Variants in CSMD1 observed in about 807,000 individuals in gnomAD.
The protein encoded by CSMD1 is CUB and sushi domain-containing protein 1.
In CSMD1, 213 loss-of-function variants were observed where a neutral mutation model predicts 417.5. That is an observed-to-expected ratio of 0.51 (90% CI 0.46 to 0.57). The LOEUF is 0.57. CSMD1 is among the 20% of genes least tolerant of loss of function. The pLI is 0.00. For synonymous variants in CSMD1, 2,862 were observed against 1,736.8 expected, an observed-to-expected ratio of 1.65 and a Z score of -16.11; for missense variants, 6,923 against 4,529.7, an observed-to-expected ratio of 1.53 and a Z score of -15.17.
intron 5 of CSMD1, among the ~76,000 whole-genome samples, chr8:3,946,653 C>T (rs889913073): frequency 5.9e-5 from 9 of 152,132 alleles, no homozygotes; most frequent in African/African-American, 1.7e-4. Flanking sequence ...AATAAACTTA[C>T]ATCTTGAAAG....
chr8:3,316,218 G>GGTAA (rs1377277919), intron 23 of CSMD1, among the ~76,000 whole-genome samples: 1 of 152,130 alleles, frequency 6.6e-6, no homozygotes, highest in Admixed American at 6.6e-5. Flanking sequence ...ACAATTAGGT[G>GGTAA]CTAACTATAT....
At chr8:3,466,865 A>C (rs879473779) in intron 12 of CSMD1, among the ~76,000 whole-genome samples, 1 of 152,180 alleles carries the variant, frequency 6.6e-6, no homozygotes, top group Admixed American at 6.5e-5. Context: ...TACTCTGGAA[A>C]TATGCATTTT....
chr8:3,958,998 T>C (rs1812149527), intron 5 of CSMD1, among the ~76,000 whole-genome samples: 1 of 152,176 alleles, frequency 6.6e-6, no homozygotes, highest in South Asian at 2.1e-4. Flanking sequence ...CTCCCATGCG[T>C]CTCCCTCCTC....
chr8:3,005,436 T>C (rs1477406333), intron 52 of CSMD1, among the ~76,000 whole-genome samples: 1 of 152,272 alleles, frequency 6.6e-6, no homozygotes, highest in East Asian at 1.9e-4. Flanking sequence ...GCCAGCATCA[T>C]CCTGATACCA....
chr8:3,058,007 C>T (rs944656202), intron 49 of CSMD1, among the ~76,000 whole-genome samples: 1 of 152,174 alleles, frequency 6.6e-6, no homozygotes, highest in Non-Finnish European at 1.5e-5. Flanking sequence ...GCCCAGTCGG[C>T]TTATTCTCAC....
chr8:3,364,047 G>A (rs13253492), intron 20 of CSMD1, among the ~76,000 whole-genome samples: 28,510 of 152,036 alleles, frequency 0.19, 3,078 homozygotes, highest in South Asian at 0.29. Context: ...TCGATTAACA[G>A]GAAAGAAGGC....
At chr8:4,388,464 A>T (rs904550177) in intron 3 of CSMD1, among the ~76,000 whole-genome samples, 2 of 151,972 alleles carry the variant, frequency 1.3e-5, no homozygotes, top group African/African-American at 4.8e-5. Context: ...TGAAAAACAA[A>T]CATCATATGT....
At chr8:3,349,182 G>T (rs1465560576) in intron 21 of CSMD1, among the ~76,000 whole-genome samples, 3 of 152,200 alleles carry the variant, frequency 2.0e-5, no homozygotes, top group Non-Finnish European at 4.4e-5. Context: ...GAGCAGGAGA[G>T]AAGGATGCAC....
chr8:3,637,200 G>C (rs116135635), intron 7 of CSMD1, among the ~76,000 whole-genome samples: 3 of 152,158 alleles, frequency 2.0e-5, no homozygotes, highest in African/African-American at 4.8e-5. Context: ...TTTTTAAGCT[G>C]TGTGACATAT....
chr8:3,639,987 G>A (rs1035430118), intron 7 of CSMD1, among the ~76,000 whole-genome samples: 1 of 152,194 alleles, frequency 6.6e-6, no homozygotes, highest in African/African-American at 2.4e-5. Context: ...ATCTAATAGT[G>A]GTTGGGATAT....
chr8:3,003,732 G>C (rs1045682308), intron 52 of CSMD1, among the ~76,000 whole-genome samples: 1 of 152,188 alleles, frequency 6.6e-6, no homozygotes, highest in Non-Finnish European at 1.5e-5. Flanking sequence ...GGCTGGGAAC[G>C]AGTGGAAGGA....
At chr8:3,890,566 A>G (rs1007940340) in intron 5 of CSMD1, among the ~76,000 whole-genome samples, 2 of 152,174 alleles carry the variant, frequency 1.3e-5, no homozygotes, top group African/African-American at 4.8e-5. Flanking sequence ...AATAATAGGT[A>G]ACACATAAGG....
chr8:3,684,266 C>G lies in CSMD1; in HGVS notation c.1009+24148G>C, dbSNP rs989524278. On this transcript the variant is annotated intron_variant, in intron 7 of 69. Coordinates refer to ENST00000635120, the MANE Select transcript of CSMD1 (RefSeq NM_033225.6). ...TTTATATATTATATAAAATATATAG[C>G]TATATGTTATATATTATATATAATA... 8.9e-5 allele frequency among the ~76,000 whole-genome samples: 12 copies of G among 135,128 alleles called. No homozygotes were observed. The South Asian group carries it at 2.7e-3, about 31-fold the overall frequency. The allele number at this position is 135,128 out of a possible 152,430, so 88.6% of individuals were successfully genotyped here. A position where few individuals can be genotyped will look rare whatever the true frequency, so the allele number is the denominator to read the frequency against.
chr8:4,512,093 T>C (rs551525058), intron 2 of CSMD1, among the ~76,000 whole-genome samples: 7 of 152,326 alleles, frequency 4.6e-5, no homozygotes, highest in Non-Finnish European at 1.0e-4. Context: ...TTATATACCA[T>C]GTTTCACTGG....
intron 5 of CSMD1, among the ~76,000 whole-genome samples, chr8:3,938,967 C>T (rs1175762417): frequency 1.3e-5 from 2 of 151,718 alleles, no homozygotes; most frequent in Admixed American, 1.3e-4. Context: ...TATTCATAGG[C>T]AGGGAGTATG....
intron 31 of CSMD1, among the ~76,000 whole-genome samples, chr8:3,203,019 A>C (rs1373544381): frequency 1.3e-5 from 2 of 152,164 alleles, no homozygotes; most frequent in African/African-American, 4.8e-5. Context: ...CAAGTTCATT[A>C]GATTTTTATC....
intron 3 of CSMD1, among the ~76,000 whole-genome samples, chr8:4,243,108 C>G (rs1018670348): frequency 5.3e-5 from 8 of 152,078 alleles, no homozygotes; most frequent in African/African-American, 1.9e-4. Context: ...GGAACATGTT[C>G]ACTGTGGAAA....
At chr8:4,096,333 A>C (rs1347506025) in intron 3 of CSMD1, among the ~76,000 whole-genome samples, 2 of 151,556 alleles carry the variant, frequency 1.3e-5, no homozygotes, top group African/African-American at 4.8e-5. Context: ...ACAACCCAGA[A>C]ATAGGACAGC....
In CSMD1 at chr8:3,710,110, T is replaced by C. The variant is rs138571338; in HGVS notation, c.932-1619A>G. ...TATCTACATATATTTTACGCATTCA[T>C]GACACACCTTTTTGGATTTTTTTCC... On this transcript the variant is annotated intron_variant, in intron 6 of 69. Coordinates refer to ENST00000635120, the MANE Select transcript of CSMD1 (RefSeq NM_033225.6). 6.6e-4 allele frequency among the ~76,000 whole-genome samples: 95 copies of C among 144,244 alleles called. No individual in the cohort carries two copies. The East Asian group carries it at 8.8e-3, about 13-fold the overall frequency. 94.6% of individuals were successfully genotyped at this position (144,244 alleles called of 152,430 possible). A position where few individuals can be genotyped will look rare whatever the true frequency, so the allele number is the denominator to read the frequency against.
Sources: allele counts gnomAD v4.1 joint callset (sites outside exome capture counted in the v4.1 genomes callset), GRCh38; gene constraint gnomAD v4.1.1; transcripts MANE v1.5; gene names NCBI Gene and HGNC (gene_info 2026-07-23, HGNC 2026-07-21).